The following NEDD4 variants were observed in gnomAD, a reference collection of about 807,000 sequenced individuals.
The protein encoded by NEDD4 is NEDD4 E3 ubiquitin protein ligase.
In NEDD4, 99 loss-of-function variants were observed where a neutral mutation model predicts 144.9. The ratio of observed to expected loss-of-function variants is 0.68; its 90% CI spans 0.58 to 0.81. The LOEUF (loss-of-function observed/expected upper bound fraction) is 0.81. Among genes scored for constraint, NEDD4 ranks in the 30% least tolerant of loss-of-function variants. The pLI is 0.00. For missense variants in NEDD4, 985 were observed against 1,065.9 expected (o/e 0.92, Z 1.06); for synonymous variants, 318 against 350.6 (o/e 0.91, Z 1.04).
At chr15:55,938,785 A>T (rs2036940420) in intron 4 of NEDD4, among the ~76,000 whole-genome samples, 3 of 151,962 alleles carry the variant, frequency 2.0e-5, no homozygotes, top group African/African-American at 7.3e-5. Context: ...AAAAAAAAAC[A>T]AGCATCAACA....
chr15:55,945,822 C>T (rs1261539858), intron 4 of NEDD4, among the ~76,000 whole-genome samples: 1 of 151,922 alleles, frequency 6.6e-6, no homozygotes, highest in East Asian at 1.9e-4. Context: ...TCAGCAGAAA[C>T]CTTACAAGCC....
At chr15:55,993,010 A>G (rs1296270695) in intron 1 of NEDD4, among the ~76,000 whole-genome samples, 1 of 152,192 alleles carries the variant, frequency 6.6e-6, no homozygotes, top group Non-Finnish European at 1.5e-5. Context: ...GATTTCAGAT[A>G]AAGAAGAAAA....
At chr15:55,910,266 G>GT (rs376746405) in intron 5 of NEDD4, among the ~76,000 whole-genome samples, 1 of 152,136 alleles carries the variant, frequency 6.6e-6, no homozygotes, top group East Asian at 1.9e-4. Context: ...TTCCTTACCT[G>GT]TTTGATTCTT....
intron 4 of NEDD4, among the ~76,000 whole-genome samples, chr15:55,937,315 A>T (rs542278713): frequency 6.6e-6 from 1 of 152,356 alleles, no homozygotes; most frequent in Non-Finnish European, 1.5e-5. Flanking sequence ...ATTCAGTTCA[A>T]AACATTCTGG....
intron 5 of NEDD4, among the ~76,000 whole-genome samples, chr15:55,898,053 A>G (rs1276829417): frequency 1.3e-5 from 2 of 152,238 alleles, no homozygotes; most frequent in African/African-American, 4.8e-5. Context: ...TAAAACACAC[A>G]TCCATGAGAG....
At chr15:55,854,764 C>T (rs898824928) in intron 12 of NEDD4, among the ~76,000 whole-genome samples, 3 of 151,604 alleles carry the variant, frequency 2.0e-5, no homozygotes, top group African/African-American at 7.3e-5. Context: ...AATTATACTC[C>T]AAGAAAGCTC....
At chr15:55,916,461 C>G in intron 5 of NEDD4, 1 of 1,614,080 alleles carries the variant, frequency 6.2e-7, no homozygotes, top group Non-Finnish European at 8.5e-7. Context: ...CACAGCACTA[C>G]TGTAAATACC....
chr15:55,919,453 T>C (rs1049535499), intron 5 of NEDD4, among the ~76,000 whole-genome samples: 6 of 152,136 alleles, frequency 3.9e-5, no homozygotes, highest in Non-Finnish European at 8.8e-5. Context: ...AGCACTCTAG[T>C]CTGAGTTTAA....
intron 5 of NEDD4, among the ~76,000 whole-genome samples, chr15:55,876,876 C>CT (rs1243641664): frequency 3.3e-5 from 4 of 120,958 alleles, no homozygotes; most frequent in East Asian, 2.3e-4. Context: ...TTTCTTTTTT[C>CT]TTTTTTTTTA....
rs562889740 is a variant in NEDD4 at position 55,913,150 on chromosome 15, C to A, written c.291+11496G>T. Reference sequence around the variant, plus strand: ...TGACCAAAGCAGTGATTTAATTTCACGGCTGCTCAGTACAGATAGCTGACA... The same window carrying A: ...TGACCAAAGCAGTGATTTAATTTCAAGGCTGCTCAGTACAGATAGCTGACA... On this transcript the variant is annotated intron_variant, in intron 5 of 28. Transcript: ENST00000435532. Among the ~76,000 whole-genome samples, 9 of 152,148 alleles carry A rather than the reference C, an allele frequency of 5.9e-5. No homozygotes were observed. The East Asian group carries it at 1.7e-3, about 29-fold the overall frequency.
At chr15:55,970,031 C>A (rs1374874603) in intron 1 of NEDD4, among the ~76,000 whole-genome samples, 1 of 152,144 alleles carries the variant, frequency 6.6e-6, no homozygotes, top group Non-Finnish European at 1.5e-5. Flanking sequence ...AGGAAACCCA[C>A]TGCCCTAAAG....
rs79821953 is a variant in NEDD4, at chr15:55,931,825, C to G, written c.238-7126G>C. On this transcript the variant is annotated intron_variant, in intron 4 of 28. Coordinates refer to ENST00000435532, the MANE Select transcript of NEDD4 (RefSeq NM_006154.4). ...ACAATTCAATGGTTTTTAATATATT[C>G]AGAGAATGTGCAACCATCACCACAA... is the stretch of plus-strand genomic sequence containing the variant. Among the ~76,000 whole-genome samples the G allele has an allele frequency of 8.4e-4, 128 of 152,256 alleles. 3 individuals carry two copies. The East Asian group carries it at 0.022, about 26-fold the overall frequency.
At chr15:55,876,236 C>G (rs1183258376) in intron 5 of NEDD4, among the ~76,000 whole-genome samples, 3 of 152,004 alleles carry the variant, frequency 2.0e-5, no homozygotes, top group African/African-American at 7.2e-5. Flanking sequence ...AAATTGTTGG[C>G]ACTACAGAAT....
intron 1 of NEDD4, among the ~76,000 whole-genome samples, chr15:55,974,525 A>G (rs754166280): frequency 2.0e-5 from 3 of 152,194 alleles, no homozygotes; most frequent in Non-Finnish European, 4.4e-5. Context: ...GTAATAAAAT[A>G]CTAGCAAACC....
In NEDD4 at chr15:55,860,506, C is replaced by T. The variant is rs745912672; in HGVS notation, c.861G>A (p.Pro287=). 137 of 1,613,954 alleles carry T rather than the reference C, an allele frequency of 8.5e-5. No homozygotes were observed. The highest frequency in any genetic ancestry group is 1.6e-4 in the African/African-American group (12 of 74,906). The change falls in exon 11 of 29, where the codon CCG becomes CCA. Residue 287 remains proline (P), a synonymous_variant. Transcript: ENST00000435532. ...GAGTTGGAACATCCAAGTTACTTGA[C>T]GGTGGAGGTGATGGGAAGGCCTGGT... ...YSNQAFPSPP[P]SSNLDVPTHL... is the part of the protein sequence containing the mutation.
chr15:55,874,090 A>G, intron 5 of NEDD4, 82 bp from the exon 6 acceptor site: 1 of 741,596 alleles, frequency 1.3e-6, no homozygotes, highest in Non-Finnish European at 2.2e-6. Flanking sequence ...GCCACCATTC[A>G]CAGAAAATGT....
intron 4 of NEDD4, among the ~76,000 whole-genome samples, chr15:55,943,080 G>T (rs2037037919): frequency 6.6e-6 from 1 of 152,226 alleles, no homozygotes; most frequent in Admixed American, 6.5e-5. Context: ...TCTGGCAGAA[G>T]AAATTTCTAA....
chr15:55,992,195 A>G (rs751536376), intron 1 of NEDD4, among the ~76,000 whole-genome samples: 7 of 152,196 alleles, frequency 4.6e-5, no homozygotes, highest in Admixed American at 2.6e-4. Context: ...AGCTAGAATG[A>G]TATCTTTAGC....
chr15:55,960,568 T>G (rs2089634), intron 2 of NEDD4, among the ~76,000 whole-genome samples: 151,078 of 152,280 alleles, frequency 0.99, 74,950 homozygotes, highest in Non-Finnish European at 1. Context: ...TTTGGGACTC[T>G]GACTGGCTTC....
Sources: allele counts gnomAD v4.1 joint callset (sites outside exome capture counted in the v4.1 genomes callset), GRCh38; gene constraint gnomAD v4.1.1; transcripts MANE v1.5; gene names NCBI Gene and HGNC (gene_info 2026-07-23, HGNC 2026-07-21).